The following PCDH11Y variants were observed in gnomAD, a reference collection of about 807,000 sequenced individuals.
The protein encoded by PCDH11Y is protocadherin-11 Y-linked.
For missense variants in PCDH11Y, 12 were observed against 224.8 expected, an observed-to-expected ratio of 0.05 and a Z score of 6.05; for synonymous variants, 9 against 83.6, an observed-to-expected ratio of 0.11 and a Z score of 4.87.
chrY:5,128,751 T>C (rs2052828959), intron 2 of PCDH11Y, among the ~76,000 whole-genome samples: 3 of 33,589 alleles, frequency 8.9e-5, no homozygotes, highest in Admixed American at 8.3e-4. Context: ...AATAACCTTA[T>C]ACTCACTAGA....
chrY:5,408,415 G>C, intron 2 of PCDH11Y, among the ~76,000 whole-genome samples: 1 of 33,546 alleles, frequency 3.0e-5, no homozygotes, highest in South Asian at 6.5e-4. Flanking sequence ...AGATTCTGAA[G>C]TTTATTTTAT....
chrY:5,421,049 T>TACACACAC (rs1310744427), intron 2 of PCDH11Y, among the ~76,000 whole-genome samples: 27 of 16,958 alleles, frequency 1.6e-3, no homozygotes, highest in South Asian at 3.5e-3. Flanking sequence ...CTACTAAAAA[T>TACACACAC]ACACACACAC....
chrY:5,137,012 C>T (rs71216385), intron 2 of PCDH11Y, among the ~76,000 whole-genome samples: 1 of 31,408 alleles, frequency 3.2e-5, no homozygotes. Context: ...TCACCACCTA[C>T]GCATGTAGTC....
At chrY:5,682,563 T>C (rs2124709689) in intron 4 of PCDH11Y, among the ~76,000 whole-genome samples, 1 of 27,948 alleles carries the variant, frequency 3.6e-5, no homozygotes, top group Admixed American at 3.4e-4. Context: ...TGTTAATCCT[T>C]TTATGAGAAA....
chrY:5,729,832 A>G (rs2053601962), intron 4 of PCDH11Y, among the ~76,000 whole-genome samples: 16 of 32,774 alleles, frequency 4.9e-4, no homozygotes, highest in African/African-American at 1.9e-3. Flanking sequence ...TCATTCTTCT[A>G]CATGTGGCTA....
intron 1 of PCDH11Y, among the ~76,000 whole-genome samples, chrY:5,091,357 TA>T (rs2052740918): frequency 2.4e-4 from 8 of 33,373 alleles, no homozygotes; most frequent in Admixed American, 2.2e-3. Context: ...TGCATGCTAG[TA>T]AAAAATGATT....
chrY:5,150,750 G>A (rs374032434), intron 2 of PCDH11Y, among the ~76,000 whole-genome samples: 35 of 33,584 alleles, frequency 1.0e-3, no homozygotes, highest in South Asian at 7.8e-3. Flanking sequence ...CAATATGATC[G>A]CAAGTTTTCA....
At chrY:5,658,244 C>A (rs2053538299) in intron 4 of PCDH11Y, among the ~76,000 whole-genome samples, 1 of 33,733 alleles carries the variant, frequency 3.0e-5, no homozygotes, top group South Asian at 6.4e-4. Context: ...TTTTAGGATC[C>A]TTTCTTTATC....
intron 2 of PCDH11Y, among the ~76,000 whole-genome samples, chrY:5,434,540 TTCTCTCTC>T: frequency 1.4e-4 from 4 of 29,259 alleles, no homozygotes; most frequent in African/African-American, 5.3e-4. Flanking sequence ...CTCTCTCTCT[TTCTCTCTC>T]TCTCTCTCTG....
intron 2 of PCDH11Y, among the ~76,000 whole-genome samples, chrY:5,266,188 A>G: frequency 5.9e-5 from 2 of 33,867 alleles, no homozygotes; most frequent in Non-Finnish European, 1.5e-4. Context: ...CACCATGTAT[A>G]TGTTTAGCAG....
intron 3 of PCDH11Y, among the ~76,000 whole-genome samples, chrY:5,530,491 G>A (rs2053391795): frequency 3.1e-5 from 1 of 32,548 alleles, no homozygotes; most frequent in Admixed American, 2.8e-4. Context: ...GCCTATAGCT[G>A]CTAAATCAGT....
intron 3 of PCDH11Y, among the ~76,000 whole-genome samples, chrY:5,548,770 TAAAC>T: frequency 3.0e-5 from 1 of 32,946 alleles, no homozygotes; most frequent in Admixed American, 2.8e-4. Context: ...TCAACATTCG[TAAAC>T]AAACAAACAA....
chrY:5,524,524 G>A, intron 3 of PCDH11Y, among the ~76,000 whole-genome samples: 1 of 32,676 alleles, frequency 3.1e-5, no homozygotes. Flanking sequence ...TTTCCCCTTA[G>A]GTTGAATAAA....
chrY:5,408,709 G>C, intron 2 of PCDH11Y, among the ~76,000 whole-genome samples: 1 of 33,574 alleles, frequency 3.0e-5, no homozygotes, highest in Non-Finnish European at 7.3e-5. Context: ...CCAAATTGCT[G>C]GGATTACAGG....
At chrY:5,475,005 G>C in intron 2 of PCDH11Y, among the ~76,000 whole-genome samples, 1 of 32,117 alleles carries the variant, frequency 3.1e-5, no homozygotes, top group African/African-American at 1.2e-4. Flanking sequence ...TGATTTTTAG[G>C]TTCTGATTTT....
intron 1 of PCDH11Y, among the ~76,000 whole-genome samples, chrY:5,069,157 C>CT (rs869279988): frequency 3.0e-5 from 1 of 33,001 alleles, no homozygotes; most frequent in South Asian, 6.8e-4. Flanking sequence ...TGTCATCAAG[C>CT]TTGTACATAG....
chrY:5,643,570 G>T, intron 4 of PCDH11Y, among the ~76,000 whole-genome samples: 1 of 29,076 alleles, frequency 3.4e-5, no homozygotes, highest in African/African-American at 1.3e-4. Flanking sequence ...TCCAAAATTT[G>T]AATTATTTGC....
chrY:5,521,453 G>A, intron 3 of PCDH11Y, among the ~76,000 whole-genome samples: 1 of 32,546 alleles, frequency 3.1e-5, no homozygotes, highest in Non-Finnish European at 7.5e-5. Flanking sequence ...TTACAGGTGT[G>A]AGCCACCTTG....
At chrY:5,598,408 C>T in intron 4 of PCDH11Y, among the ~76,000 whole-genome samples, 1 of 32,653 alleles carries the variant, frequency 3.1e-5, no homozygotes, top group Non-Finnish European at 7.5e-5. Context: ...AGGAAAATAT[C>T]AGGAAGGCTT....
Sources: gnomAD v4.1 joint callset for allele counts (sites outside exome capture counted in the v4.1 genomes callset) on GRCh38, gnomAD v4.1.1 for gene constraint, MANE v1.5 for transcripts, NCBI Gene and HGNC (gene_info 2026-07-23, HGNC 2026-07-21) for gene names.